Variants in GJA3 observed in about 807,000 individuals in gnomAD.
The protein encoded by GJA3 is gap junction protein alpha 3, also known as gap junction alpha-3 protein.
For synonymous variants in GJA3, 297 were observed against 292.6 expected (o/e 1.02, Z -0.15); for missense variants, 571 against 620.3 (o/e 0.92, Z 0.84).
Position 20,146,072 on chromosome 13 carries a change from G to A in GJA3, c.-17-2767C>T, listed in dbSNP as rs374286729. ...GTAGCTGGGTAATGTGCTTTCCAGA[G>A]GCTTCCGAGGAAAGGCCGCTGTGGG... On this transcript the variant is annotated intron_variant, in intron 1 of 1. Transcript: ENST00000241125. 4.6e-5 allele frequency among the ~76,000 whole-genome samples: 7 copies of A among 152,330 alleles called. No homozygotes were observed. The East Asian group carries it at 1.2e-3, about 25-fold the overall frequency.
intron 1 of GJA3, among the ~76,000 whole-genome samples, chr13:20,157,407 C>T (rs755305270): frequency 2.0e-5 from 3 of 152,198 alleles, no homozygotes; most frequent in Non-Finnish European, 4.4e-5. Flanking sequence ...GAACCTTACT[C>T]ATTATCGACA....
At chr13:20,158,912 CAAAAAAA>C (rs1159654355) in intron 1 of GJA3, among the ~76,000 whole-genome samples, 28 of 54,958 alleles carry the variant, frequency 5.1e-4, no homozygotes, top group East Asian at 2.9e-3. Context: ...GCAAAACTCT[CAAAAAAA>C]AAAAAAAAAA....
In GJA3 at chr13:20,141,657, C is replaced by T; in HGVS notation, c.*324G>A. 5.9e-6 allele frequency: 2 copies of T among 340,988 alleles called. No individual in the cohort carries two copies. Among genetic ancestry groups the T allele is most frequent in the South Asian group, 1.4e-4 (2 of 13,810 alleles). The allele number at this position is 340,988 out of a possible 1,614,324, so 21.1% of individuals were successfully genotyped here. A position where few individuals can be genotyped will look rare whatever the true frequency, so the allele number is the denominator to read the frequency against. ...GACTGCAGGATACCTGTTGCTTTAC[C>T]ACTACAGAACAGTTACCCCCAGAGA... is the stretch of plus-strand genomic sequence containing the variant. On this transcript the variant is annotated 3_prime_UTR_variant, in exon 2 of 2. Coordinates refer to ENST00000241125, the MANE Select transcript of GJA3 (RefSeq NM_021954.4).
chr13:20,151,597 C>T (rs1175575982), intron 1 of GJA3, among the ~76,000 whole-genome samples: 1 of 152,138 alleles, frequency 6.6e-6, no homozygotes, highest in African/African-American at 2.4e-5. Context: ...ACCGGGGCTC[C>T]AGGACATGGG....
intron 1 of GJA3, among the ~76,000 whole-genome samples, chr13:20,157,262 G>A (rs1019852400): frequency 3.3e-5 from 5 of 152,150 alleles, no homozygotes; most frequent in African/African-American, 4.8e-5. Flanking sequence ...GCATAGCAGC[G>A]ATCAGAACAG....
Position 20,142,249 on chromosome 13 carries a change from G to T in GJA3, c.1040C>A (p.Ser347Tyr). 1 of 1,544,370 alleles carries T rather than the reference G, an allele frequency of 6.5e-7. No individual in the cohort carries two copies. ...PPALKAYPAA[S>Y]TPAAPSPVGS... ...GACGGGGCTGGGGGCTGCAGGCGTG[G>T]ACGCTGCCGGGTAAGCCTTGAGCGC... Residue 347 changes from serine (S) to tyrosine (Y), a missense_variant, in exon 2 of 2, where the codon TCC becomes TAC. Ser to Tyr is a moderately radical substitution (Grantham distance 144, BLOSUM62 -2). Transcript: ENST00000241125.
In GJA3 at chr13:20,142,407, G is replaced by A. The variant is rs1478175425; in HGVS notation, c.882C>T (p.Ala294=). The A allele has an allele frequency of 2.0e-6, 3 of 1,501,468 alleles. No homozygotes were observed. The highest frequency in any genetic ancestry group is 1.8e-4 in the Middle Eastern group (1 of 5,672). 93.0% of individuals were successfully genotyped at this position (1,501,468 alleles called of 1,614,324 possible). A position where few individuals can be genotyped will look rare whatever the true frequency, so the allele number is the denominator to read the frequency against. The part of the protein sequence containing the change: ...AVGYPGAPPP[A]ADFKLLALTE... ...TCAGGGCTAGCAGTTTGAAGTCCGC[G>A]GCTGGTGGCGGGGCCCCGGGGTAGC... Residue 294 remains alanine (A), a synonymous_variant, in exon 2 of 2, where the codon GCC becomes GCT. Transcript: ENST00000241125.
At chr13:20,149,753 G>A (rs955422409) in intron 1 of GJA3, among the ~76,000 whole-genome samples, 5 of 152,234 alleles carry the variant, frequency 3.3e-5, no homozygotes, top group African/African-American at 4.8e-5. Flanking sequence ...GGTGGGAACA[G>A]GGGTTGTGGG....
At chr13:20,148,127 A>G (rs2141140941) in intron 1 of GJA3, among the ~76,000 whole-genome samples, 1 of 152,228 alleles carries the variant, frequency 6.6e-6, no homozygotes, top group East Asian at 1.9e-4. Context: ...TGACAACTGG[A>G]TCCTGATCAG....
intron 1 of GJA3, among the ~76,000 whole-genome samples, chr13:20,152,185 G>A (rs1486789874): frequency 6.6e-6 from 1 of 152,164 alleles, no homozygotes; most frequent in East Asian, 1.9e-4. Flanking sequence ...TTGAAGGGCA[G>A]GGGAGGAGGA....
In GJA3 at chr13:20,159,532, G is replaced by A. The variant is rs560072992; in HGVS notation, c.-18+1358C>T. Among the ~76,000 whole-genome samples the A allele has an allele frequency of 4.1e-5, 6 of 146,202 alleles. No homozygotes were observed. In the South Asian group the frequency reaches 1.3e-3, roughly 33 times the overall value. ...TTCGTTTCAAATGTAGTGTGTACACGTTATTTTAGCTAAGAGAAATGAATA... is the reference window on the plus strand; with the variant it reads ...TTCGTTTCAAATGTAGTGTGTACACATTATTTTAGCTAAGAGAAATGAATA... On this transcript the variant is annotated intron_variant, in intron 1 of 1. Transcript: ENST00000241125.
chr13:20,160,231 C>T (rs1363758848), intron 1 of GJA3, among the ~76,000 whole-genome samples: 2 of 152,208 alleles, frequency 1.3e-5, no homozygotes, highest in African/African-American at 4.8e-5. Flanking sequence ...CACTCCTCTG[C>T]AAATTCCTTA....
At chr13:20,160,255 C>T (rs1958929313) in intron 1 of GJA3, among the ~76,000 whole-genome samples, 1 of 152,164 alleles carries the variant, frequency 6.6e-6, no homozygotes, top group South Asian at 2.1e-4. Flanking sequence ...TTGAACACAT[C>T]ATAACAAACA....
intron 1 of GJA3, among the ~76,000 whole-genome samples, chr13:20,152,121 A>G (rs887466320): frequency 6.6e-6 from 1 of 152,032 alleles, no homozygotes; most frequent in Non-Finnish European, 1.5e-5. Context: ...GTGAGTGTGG[A>G]AGCTGGAGGT....
At chr13:20,147,138 C>T (rs1488830506) in intron 1 of GJA3, among the ~76,000 whole-genome samples, 1 of 152,218 alleles carries the variant, frequency 6.6e-6, no homozygotes, top group Non-Finnish European at 1.5e-5. Context: ...TTCTTTTCCA[C>T]GTACAGTACA....
chr13:20,139,703 C>A lies in GJA3; in HGVS notation c.*2278G>T, dbSNP rs1027470793. ...CACTCCTATCCACTCTAAATGGACC[C>A]ACTAGACTATGGTCAATGGTACAAT... is the stretch of plus-strand genomic sequence containing the variant. On this transcript the variant is annotated 3_prime_UTR_variant, in exon 2 of 2. Coordinates refer to ENST00000241125, the MANE Select transcript of GJA3 (RefSeq NM_021954.4). 1.3e-5 allele frequency: 2 copies of A among 152,148 alleles called. No individual in the cohort carries two copies. The highest frequency in any genetic ancestry group is 4.8e-5 in the African/African-American group (2 of 41,420). The allele number at this position is 152,148 out of a possible 1,614,324, so 9.4% of individuals were successfully genotyped here.
chr13:20,160,135 G>C (rs1267438868), intron 1 of GJA3, among the ~76,000 whole-genome samples: 1 of 152,040 alleles, frequency 6.6e-6, no homozygotes, highest in African/African-American at 2.4e-5. Context: ...CACTAGTGTG[G>C]AGTCGGCAAC....
chr13:20,157,953 C>A, intron 1 of GJA3, among the ~76,000 whole-genome samples: 1 of 151,984 alleles, frequency 6.6e-6, no homozygotes, highest in South Asian at 2.1e-4. Context: ...CCTGCCTCAG[C>A]CTCCTGAGTA....
At chr13:20,159,553 G>A (rs1183711025) in intron 1 of GJA3, among the ~76,000 whole-genome samples, 3 of 147,596 alleles carry the variant, frequency 2.0e-5, no homozygotes, top group Non-Finnish European at 3.0e-5. Context: ...TAAGAGAAAT[G>A]AATATAATAA....
Sources: gnomAD v4.1 joint callset for allele counts (sites outside exome capture counted in the v4.1 genomes callset) on GRCh38, gnomAD v4.1.1 for gene constraint, MANE v1.5 for transcripts, NCBI Gene and HGNC (gene_info 2026-07-23, HGNC 2026-07-21) for gene names.